Variants in USP3 observed in about 807,000 individuals in gnomAD.
USP3 encodes the protein ubiquitin carboxyl-terminal hydrolase 3.
Under a neutral mutation model 72.3 loss-of-function variants are expected in USP3, and 20 were observed. The ratio of observed to expected loss-of-function variants is 0.28; its 90% CI spans 0.19 to 0.40. The LOEUF is 0.40. USP3 is among the 10% of genes least tolerant of loss of function. The pLI is 1.00. For missense variants in USP3, 479 were observed against 633.9 expected, an observed-to-expected ratio of 0.76 and a Z score of 2.62; for synonymous variants, 222 against 225.3, an observed-to-expected ratio of 0.99 and a Z score of 0.13.
rs1052693987 is a variant in USP3, at chr15:63,593,189, A to T, written c.*2363A>T. 2 of 152,196 alleles carry T rather than the reference A, an allele frequency of 1.3e-5. No homozygotes were observed. Among genetic ancestry groups the T allele is most frequent in the African/African-American group, 2.4e-5 (1 of 41,446 alleles). The allele number at this position is 152,196 out of a possible 1,614,324, so 9.4% of individuals were successfully genotyped here. A position where few individuals can be genotyped will look rare whatever the true frequency, so the allele number is the denominator to read the frequency against. The stretch of plus-strand genomic sequence containing the variant: ...GTGCTTAAATTAATTTACAATGCTA[A>T]ATTATATTAGGTTAAACTGTATGAA... On this transcript the variant is annotated 3_prime_UTR_variant, in exon 15 of 15. Transcript: ENST00000380324.
chr15:63,542,779 C>T (rs76540674), intron 3 of USP3, among the ~76,000 whole-genome samples: 10,630 of 152,106 alleles, frequency 0.07, 415 homozygotes, highest in Non-Finnish European at 0.082. Context: ...ATATCAGAAA[C>T]GAGACTAATA....
intron 1 of USP3, among the ~76,000 whole-genome samples, chr15:63,513,274 C>G (rs2065813606): frequency 6.6e-6 from 1 of 152,224 alleles, no homozygotes; most frequent in South Asian, 2.1e-4. Flanking sequence ...AATTAACTGT[C>G]ATATTCCCGC....
Position 63,570,969 on chromosome 15 carries a change from A to G in USP3, c.908+390A>G, listed in dbSNP as rs889379419. Among the ~76,000 whole-genome samples, 10 of 152,218 alleles carry G rather than the reference A, an allele frequency of 6.6e-5. No homozygotes were observed. The highest frequency in any genetic ancestry group is 1.2e-4 in the Non-Finnish European group (8 of 68,026). On this transcript the variant is annotated intron_variant, in intron 9 of 14. Transcript: ENST00000380324. The surrounding 1 kb of genome is among the most constrained non-coding windows in gnomAD (Gnocchi z 4.4). ...AAAGCTTAAAACATTTTGAATGTGA[A>G]CTTTCCTAAAGCTTCATTATGGACT... is the stretch of plus-strand genomic sequence containing the variant.
rs1306916728 is a variant in USP3, at chr15:63,528,256, A to C, written c.92-4391A>C. On this transcript the variant is annotated intron_variant, in intron 1 of 14. Transcript: ENST00000380324. This position sits in a 1 kb window ranked among gnomAD's most constrained non-coding sequence, Gnocchi z 4.3. ...GTATCTTGGTTTGAGGAAATTTTACAATCTGAGTAAAAGATGAGTTTCACT... is the reference window on the plus strand; with the variant it reads ...GTATCTTGGTTTGAGGAAATTTTACCATCTGAGTAAAAGATGAGTTTCACT... The C allele has an allele frequency of 6.6e-6, 1 of 152,194 alleles. No individual in the cohort carries two copies. The highest frequency in any genetic ancestry group is 1.9e-4 in the East Asian group (1 of 5,202). 9.4% of individuals were successfully genotyped at this position (152,194 alleles called of 1,614,324 possible).
At chr15:63,554,666 A>G (rs2066483229) in intron 4 of USP3, among the ~76,000 whole-genome samples, 1 of 152,234 alleles carries the variant, frequency 6.6e-6, no homozygotes, top group Admixed American at 6.5e-5. Context: ...AAAATTGCAT[A>G]CTGAAAAGAA....
At chr15:63,545,525 A>G (rs2066307161) in intron 3 of USP3, among the ~76,000 whole-genome samples, 1 of 151,312 alleles carries the variant, frequency 6.6e-6, no homozygotes, top group East Asian at 1.9e-4. Context: ...TTTATATCCT[A>G]TTTCCTTATC....
chr15:63,573,733 C>T (rs548973515), intron 9 of USP3, among the ~76,000 whole-genome samples: 1 of 152,270 alleles, frequency 6.6e-6, no homozygotes, highest in African/African-American at 2.4e-5. Flanking sequence ...TGGAAGGAGT[C>T]ATGTTGCCCT....
intron 3 of USP3, among the ~76,000 whole-genome samples, chr15:63,546,817 C>A (rs2152666530): frequency 6.6e-6 from 1 of 152,200 alleles, no homozygotes; most frequent in Middle Eastern, 3.4e-3. Context: ...ACCATGTTAG[C>A]CAGGATGGTC....
At position 63,547,888 on chromosome 15, in the gene USP3, G is replaced by GAGAGAGAGAGGCAT. The variant is rs1555446525; in HGVS notation, c.285-5819_285-5818insAGGCATAGAGAGAG. ...GCATAGAGAGAGAGAGAGAGAGAGA[G>GAGAGAGAGAGGCAT]AGAGAGAGGCATAGAGAGAGGCATA... On this transcript the variant is annotated intron_variant, in intron 3 of 14. Coordinates refer to ENST00000380324, the MANE Select transcript of USP3 (RefSeq NM_006537.4). Among the ~76,000 whole-genome samples, 590 of 73,284 alleles carry GAGAGAGAGAGGCAT rather than the reference G, an allele frequency of 8.1e-3. 153 individuals are homozygous for GAGAGAGAGAGGCAT. The highest frequency in any genetic ancestry group is 0.021 in the African/African-American group (373 of 17,524). 48.1% of individuals were successfully genotyped at this position (73,284 alleles called of 152,430 possible). A position where few individuals can be genotyped will look rare whatever the true frequency, so the allele number is the denominator to read the frequency against.
chr15:63,513,442 C>T (rs2152648679), intron 1 of USP3, among the ~76,000 whole-genome samples: 1 of 152,260 alleles, frequency 6.6e-6, no homozygotes, highest in South Asian at 2.1e-4. Flanking sequence ...TGCAGTGGTG[C>T]AGTCATAGCT....
chr15:63,546,767 T>A (rs1012858353), intron 3 of USP3, among the ~76,000 whole-genome samples: 6 of 151,968 alleles, frequency 3.9e-5, no homozygotes, highest in South Asian at 2.1e-4. Flanking sequence ...GCCCGGCTAA[T>A]TTTTTGGGTG....
At chr15:63,549,207 G>A (rs1455672581) in intron 3 of USP3, among the ~76,000 whole-genome samples, 2 of 152,060 alleles carry the variant, frequency 1.3e-5, no homozygotes, top group East Asian at 1.9e-4. Context: ...ATCTCAACTC[G>A]TGAAGTTTTG....
intron 9 of USP3, among the ~76,000 whole-genome samples, chr15:63,572,652 T>C (rs529018705): frequency 1.4e-4 from 21 of 152,318 alleles, no homozygotes; most frequent in African/African-American, 5.1e-4. Flanking sequence ...ATCATTGCAG[T>C]AGGTTTAACT....
intron 1 of USP3, among the ~76,000 whole-genome samples, chr15:63,527,555 G>A (rs1032646308): frequency 2.6e-5 from 4 of 152,158 alleles, no homozygotes; most frequent in Admixed American, 1.3e-4. Context: ...GGTAGGCCTC[G>A]AATATCAAAT....
At chr15:63,521,211 C>G (rs894489907) in intron 1 of USP3, among the ~76,000 whole-genome samples, 1 of 141,170 alleles carries the variant, frequency 7.1e-6, no homozygotes, top group African/African-American at 2.6e-5. Context: ...TTTCCTTATT[C>G]TCTTTTTTAA....
At chr15:63,548,502 T>G (rs2066388175) in intron 3 of USP3, among the ~76,000 whole-genome samples, 2 of 151,820 alleles carry the variant, frequency 1.3e-5, no homozygotes, top group Non-Finnish European at 2.9e-5. Flanking sequence ...ATTTTTGTAT[T>G]TTTTTAGTAG....
At chr15:63,577,403 C>T (rs1184561233) in intron 11 of USP3, among the ~76,000 whole-genome samples, 8 of 152,104 alleles carry the variant, frequency 5.3e-5, no homozygotes, top group Non-Finnish European at 1.5e-5. Context: ...AAGGTGGGAG[C>T]ATTGCTTGAC....
intron 11 of USP3, among the ~76,000 whole-genome samples, chr15:63,577,928 CAAAAAAAAA>C (rs60885501): frequency 8.2e-6 from 1 of 122,674 alleles, no homozygotes; most frequent in Non-Finnish European, 1.7e-5. Flanking sequence ...GACCCTGCCT[CAAAAAAAAA>C]AAAAAAAAAG....
intron 1 of USP3, among the ~76,000 whole-genome samples, chr15:63,515,690 AAAG>A (rs1437958594): frequency 6.6e-6 from 1 of 152,250 alleles, no homozygotes; most frequent in African/African-American, 2.4e-5. Flanking sequence ...TTTTAATAAA[AAAG>A]ATAAAAATTG....
Sources: gnomAD v4.1 joint callset for allele counts (sites outside exome capture counted in the v4.1 genomes callset) on GRCh38, gnomAD v4.1.1 for gene constraint, Gnocchi (gnomAD v3.1) non-coding constraint, MANE v1.5 for transcripts, NCBI Gene and HGNC (gene_info 2026-07-23, HGNC 2026-07-21) for gene names.